ULK4: variants seen among roughly 807,000 people sequenced by gnomAD.
ULK4 encodes inactive serine/threonine-protein kinase ULK4.
In ULK4, 133 loss-of-function variants were observed where a neutral mutation model predicts 160.6. That is an observed-to-expected ratio of 0.83 (90% CI 0.72 to 0.96). The LOEUF is 0.96. Ranked by LOEUF, ULK4 falls within the 40% of genes least tolerant of loss-of-function variation. ULK4 has a pLI of 0.00. For missense variants in ULK4, 1,580 were observed against 1,499.5 expected, an observed-to-expected ratio of 1.05 and a Z score of -0.89; for synonymous variants, 534 against 539.8, an observed-to-expected ratio of 0.99 and a Z score of 0.15.
chr3:41,368,329 G>A (rs545303461), intron 35 of ULK4, among the ~76,000 whole-genome samples: 1 of 152,262 alleles, frequency 6.6e-6, no homozygotes, highest in Admixed American at 6.5e-5. Context: ...GATTACAGGT[G>A]TGAGCCACCA....
intron 5 of ULK4, among the ~76,000 whole-genome samples, chr3:41,923,063 A>G (rs1332589254): frequency 8.6e-5 from 13 of 151,668 alleles, no homozygotes; most frequent in South Asian, 4.2e-4. Flanking sequence ...AAGCCCAGCT[A>G]CTCGGGAGGC....
At chr3:41,777,915 A>C (rs2039690345) in intron 21 of ULK4, among the ~76,000 whole-genome samples, 2 of 141,718 alleles carry the variant, frequency 1.4e-5, no homozygotes, top group Non-Finnish European at 3.1e-5. Context: ...CCCTTTGAAA[A>C]CTGGCACAAG....
intron 30 of ULK4, among the ~76,000 whole-genome samples, chr3:41,651,106 T>C (rs185946722): frequency 2.5e-3 from 375 of 152,228 alleles, no homozygotes; most frequent in African/African-American, 8.5e-3. Context: ...GCACTGAAAA[T>C]TATCCTTAAG....
intron 32 of ULK4, among the ~76,000 whole-genome samples, chr3:41,517,078 T>G (rs1444749655): frequency 2.0e-5 from 3 of 152,064 alleles, no homozygotes; most frequent in African/African-American, 4.8e-5. Context: ...AACAGATACC[T>G]CAACAAAGAA....
intron 21 of ULK4, among the ~76,000 whole-genome samples, chr3:41,758,465 T>G (rs147266841): frequency 3.1e-3 from 470 of 152,314 alleles, no homozygotes; most frequent in African/African-American, 0.011. Flanking sequence ...ACAGTATACC[T>G]TAGGAACACA....
At chr3:41,381,328 T>G (rs985745862) in intron 35 of ULK4, among the ~76,000 whole-genome samples, 2 of 152,218 alleles carry the variant, frequency 1.3e-5, no homozygotes, top group African/African-American at 4.8e-5. Flanking sequence ...GGAATCCACA[T>G]TCAAGCATTC....
chr3:41,488,901 G>C (rs1305263928), intron 32 of ULK4, among the ~76,000 whole-genome samples: 1 of 152,030 alleles, frequency 6.6e-6, no homozygotes, highest in East Asian at 1.9e-4. Context: ...AAAAAATAGA[G>C]CTGAGAAAAT....
chr3:41,508,223 G>A (rs1373461283), intron 32 of ULK4, among the ~76,000 whole-genome samples: 4 of 152,062 alleles, frequency 2.6e-5, no homozygotes, highest in Admixed American at 2.6e-4. Flanking sequence ...AATCCTCTGG[G>A]AACATAACTT....
At chr3:41,484,767 C>G (rs958660600) in intron 32 of ULK4, among the ~76,000 whole-genome samples, 1 of 151,988 alleles carries the variant, frequency 6.6e-6, no homozygotes, top group African/African-American at 2.4e-5. Flanking sequence ...GACCTTTTTA[C>G]GCAGGCTTAA....
chr3:41,330,228 G>A (rs1281324039), intron 35 of ULK4, among the ~76,000 whole-genome samples: 1 of 152,020 alleles, frequency 6.6e-6, no homozygotes, highest in Non-Finnish European at 1.5e-5. Flanking sequence ...GCTTCTATTC[G>A]CTTGCCTCCT....
At chr3:41,318,235 TAG>T (rs2080182828) in intron 35 of ULK4, among the ~76,000 whole-genome samples, 1 of 152,278 alleles carries the variant, frequency 6.6e-6, no homozygotes, top group Non-Finnish European at 1.5e-5. Flanking sequence ...TTCTCTAGCA[TAG>T]AGAGTTAAGA....
At chr3:41,542,032 G>A (rs1360493574) in intron 32 of ULK4, among the ~76,000 whole-genome samples, 2 of 152,124 alleles carry the variant, frequency 1.3e-5, no homozygotes, top group East Asian at 3.9e-4. Flanking sequence ...TGATTGTCCT[G>A]GCCAGAACTT....
intron 8 of ULK4, chr3:41,915,473 A>G (rs1698934421): frequency 6.5e-6 from 1 of 153,662 alleles, no homozygotes; most frequent in African/African-American, 2.4e-5. Flanking sequence ...TGCCTCAACA[A>G]TGATTTCTAA....
At chr3:41,319,627 T>C (rs1170029222) in intron 35 of ULK4, among the ~76,000 whole-genome samples, 1 of 152,212 alleles carries the variant, frequency 6.6e-6, no homozygotes, top group African/African-American at 2.4e-5. Flanking sequence ...GGCTATCATA[T>C]CACCATATTC....
chr3:41,306,479 G>T (rs1384056423), intron 35 of ULK4, among the ~76,000 whole-genome samples: 7 of 145,378 alleles, frequency 4.8e-5, no homozygotes, highest in Non-Finnish European at 1.1e-4. Flanking sequence ...GAGGTGGGGG[G>T]GTCAGCCCCC....
chr3:41,530,000 T>A (rs917692599), intron 32 of ULK4, among the ~76,000 whole-genome samples: 1 of 151,840 alleles, frequency 6.6e-6, no homozygotes, highest in African/African-American at 2.4e-5. Context: ...GCTAAGGGGG[T>A]ACATGGGATT....
chr3:41,666,771 A>G (rs980806250), intron 29 of ULK4, among the ~76,000 whole-genome samples: 2 of 152,212 alleles, frequency 1.3e-5, no homozygotes, highest in Non-Finnish European at 2.9e-5. Context: ...ACTTAGAAAT[A>G]TAACAGAAAA....
At chr3:41,881,063 AAT>A (rs2125700870) in intron 17 of ULK4, among the ~76,000 whole-genome samples, 1 of 152,280 alleles carries the variant, frequency 6.6e-6, no homozygotes, top group East Asian at 1.9e-4. Context: ...ATTATTGAAA[AAT>A]TATCTACAAG....
At chr3:41,350,633 G>T (rs2080891388) in intron 35 of ULK4, among the ~76,000 whole-genome samples, 1 of 152,124 alleles carries the variant, frequency 6.6e-6, no homozygotes, top group Non-Finnish European at 1.5e-5. Context: ...TGAACTCACG[G>T]TTTACTCTTA....
Sources: allele counts gnomAD v4.1 joint callset (sites outside exome capture counted in the v4.1 genomes callset), GRCh38; gene constraint gnomAD v4.1.1; transcripts MANE v1.5; gene names NCBI Gene and HGNC (gene_info 2026-07-23, HGNC 2026-07-21).